PDE4B: variants seen among roughly 807,000 people sequenced by gnomAD.
The protein encoded by PDE4B is phosphodiesterase 4B.
PDE4B carries 20 observed loss-of-function variants against 82.2 expected under a neutral mutation model. The ratio of observed to expected loss-of-function variants is 0.24; its 90% CI spans 0.17 to 0.35. The LOEUF is 0.35. Ranked by LOEUF, PDE4B falls within the 10% of genes least tolerant of loss-of-function variation. The pLI, the probability that PDE4B is intolerant of heterozygous loss-of-function variation, is 1.00. For synonymous variants in PDE4B, 320 were observed against 318.9 expected (o/e 1.00, Z -0.04); for missense variants, 655 against 907.2 (o/e 0.72, Z 3.57).
chr1:66,340,574 A>T (rs941497738), intron 8 of PDE4B, among the ~76,000 whole-genome samples: 4 of 152,072 alleles, frequency 2.6e-5, no homozygotes, highest in African/African-American at 9.7e-5. Flanking sequence ...TCATCTTCTA[A>T]TTTTTTTAGC....
intron 7 of PDE4B, among the ~76,000 whole-genome samples, chr1:66,318,377 A>T (rs1363823983): frequency 1.3e-5 from 2 of 152,234 alleles, no homozygotes; most frequent in Non-Finnish European, 2.9e-5. Context: ...AATAAAGTTA[A>T]GCCAATCCAA....
At chr1:65,972,192 T>C (rs2100628586) in intron 3 of PDE4B, among the ~76,000 whole-genome samples, 1 of 152,326 alleles carries the variant, frequency 6.6e-6, no homozygotes, top group East Asian at 1.9e-4. Context: ...CATAGAAGTG[T>C]GTTTTAATGC....
intron 1 of PDE4B, among the ~76,000 whole-genome samples, chr1:65,906,311 A>G (rs1390763161): frequency 6.6e-6 from 1 of 152,174 alleles, no homozygotes; most frequent in Admixed American, 6.6e-5. Flanking sequence ...CACTAATGCC[A>G]TCTTCACTTT....
At chr1:66,009,074 A>G (rs1652319966) in intron 3 of PDE4B, among the ~76,000 whole-genome samples, 2 of 152,110 alleles carry the variant, frequency 1.3e-5, no homozygotes, top group African/African-American at 2.4e-5. Flanking sequence ...TCCAAAATGG[A>G]CATCATGGCT....
intron 1 of PDE4B, among the ~76,000 whole-genome samples, chr1:65,808,474 GA>G (rs1645781932): frequency 6.6e-6 from 1 of 152,166 alleles, no homozygotes; most frequent in Non-Finnish European, 1.5e-5. Context: ...TCAGCTGGAA[GA>G]GCATAAATGT....
intron 3 of PDE4B, among the ~76,000 whole-genome samples, chr1:66,232,896 A>C (rs939977290): frequency 2.6e-5 from 4 of 152,354 alleles, no homozygotes; most frequent in Non-Finnish European, 5.9e-5. Context: ...AACTTGTTAG[A>C]AAGTTTTGTT....
At chr1:65,904,724 G>A (rs1303173421) in intron 1 of PDE4B, among the ~76,000 whole-genome samples, 1 of 152,124 alleles carries the variant, frequency 6.6e-6, no homozygotes, top group Non-Finnish European at 1.5e-5. Flanking sequence ...TGCAGGCATA[G>A]TGCCTGGGTG....
At chr1:66,043,752 A>C (rs943670070) in intron 3 of PDE4B, among the ~76,000 whole-genome samples, 1 of 151,810 alleles carries the variant, frequency 6.6e-6, no homozygotes, top group Non-Finnish European at 1.5e-5. Flanking sequence ...GTTTGACCTA[A>C]CAGTCAGCAA....
At chr1:66,160,862 C>G (rs1426211903) in intron 3 of PDE4B, among the ~76,000 whole-genome samples, 1 of 152,140 alleles carries the variant, frequency 6.6e-6, no homozygotes, top group African/African-American at 2.4e-5. Flanking sequence ...AAAGGAGGTG[C>G]CTCTATCAGA....
At chr1:66,369,802 T>C (rs1043291769) in intron 16 of PDE4B, among the ~76,000 whole-genome samples, 20 of 152,148 alleles carry the variant, frequency 1.3e-4, no homozygotes, top group Non-Finnish European at 5.9e-5. Context: ...ACAGTTCCTT[T>C]GCAATATTTA....
At chr1:66,229,596 A>G (rs1484913634) in intron 3 of PDE4B, among the ~76,000 whole-genome samples, 1 of 152,196 alleles carries the variant, frequency 6.6e-6, no homozygotes, top group Non-Finnish European at 1.5e-5. Flanking sequence ...ACCTCAGCAC[A>G]TGAGAACTTT....
At position 66,367,972 on chromosome 1, in the gene PDE4B, G is replaced by C. The variant is rs766851328; in HGVS notation, c.1569G>C (p.Met523Ile). ...TAGCAACTGATATGTCTAAACATAT[G>C]AGCCTGCTGGCAGACCTGAAGACAA... ...MVLATDMSKH[M>I]SLLADLKTMV... Residue 523 changes from methionine (M) to isoleucine (I), a missense_variant, in exon 15 of 17, where the codon ATG becomes ATC. Around this residue, in one of 3 missense-constraint regions of PDE4B, gnomAD observed 283 missense variants for 516.4 expected, o/e 0.55. Transcript: ENST00000341517. The C allele has an allele frequency of 8.1e-6, 13 of 1,613,540 alleles. No homozygotes were observed. The highest frequency in any genetic ancestry group is 1.1e-5 in the Non-Finnish European group (13 of 1,179,692).
chr1:66,134,831 G>A (rs1342433877), intron 3 of PDE4B, among the ~76,000 whole-genome samples: 7 of 152,196 alleles, frequency 4.6e-5, no homozygotes, highest in African/African-American at 1.4e-4. Flanking sequence ...AGGCTTTAGA[G>A]CCGTGTAGAT....
chr1:66,332,283 G>A, intron 7 of PDE4B: 1 of 1,509,670 alleles, frequency 6.6e-7, no homozygotes, highest in Non-Finnish European at 8.8e-7. Flanking sequence ...ACCTCATCCA[G>A]GCGGGGGGTT....
In PDE4B at chr1:66,124,945, C is replaced by G. The variant is rs894667542; in HGVS notation, c.282-122515C>G. The stretch of plus-strand genomic sequence containing the variant: ...TGTGTGTGTGTGTGTGTGTGTGTGC[C>G]CTGCGATGGAATGGCAGCCTGTCCA... On this transcript the variant is annotated intron_variant, in intron 3 of 16. Transcript: ENST00000341517. Among the ~76,000 whole-genome samples, 4 of 95,878 alleles carry G rather than the reference C, an allele frequency of 4.2e-5. No homozygotes were observed. In the Admixed American group the frequency reaches 4.2e-4, roughly 10 times the overall value. 62.9% of individuals were successfully genotyped at this position (95,878 alleles called of 152,430 possible).
At chr1:66,205,107 T>C (rs907392767) in intron 3 of PDE4B, among the ~76,000 whole-genome samples, 1 of 152,200 alleles carries the variant, frequency 6.6e-6, no homozygotes, top group East Asian at 1.9e-4. Flanking sequence ...GAGAAAAACT[T>C]AAGCATTATA....
At chr1:65,925,506 C>T (rs1456729696) in intron 3 of PDE4B, among the ~76,000 whole-genome samples, 1 of 152,166 alleles carries the variant, frequency 6.6e-6, no homozygotes, top group East Asian at 1.9e-4. Flanking sequence ...AGAAGCTCTT[C>T]TTATGCACCC....
At chr1:66,280,888 C>T (rs540856681) in intron 7 of PDE4B, among the ~76,000 whole-genome samples, 2 of 152,226 alleles carry the variant, frequency 1.3e-5, no homozygotes, top group Admixed American at 6.5e-5. Context: ...AAATGTAGCT[C>T]AGGAACAAGA....
intron 3 of PDE4B, among the ~76,000 whole-genome samples, chr1:66,172,114 T>C (rs985068858): frequency 4.6e-5 from 7 of 152,106 alleles, no homozygotes; most frequent in South Asian, 2.1e-4. Context: ...ATCCCCTGCT[T>C]TTGGAGTCTA....
Sources: gnomAD v4.1 joint callset for allele counts (sites outside exome capture counted in the v4.1 genomes callset) on GRCh38, gnomAD v4.1.1 for gene constraint, gnomAD v4.1.1 regional missense constraint, MANE v1.5 for transcripts, NCBI Gene and HGNC (gene_info 2026-07-23, HGNC 2026-07-21) for gene names.